The following ELP4 variants were observed in gnomAD, a reference collection of about 807,000 sequenced individuals.
ELP4 encodes elongator complex protein 4.
ELP4 carries 51 observed loss-of-function variants against 48.9 expected under a neutral mutation model. That is an observed-to-expected ratio of 1.04 (90% CI 0.83 to 1.32). The LOEUF (loss-of-function observed/expected upper bound fraction) is 1.32, where lower values mean the gene tolerates loss of function less well. ELP4 is among the 40% of genes most tolerant of loss of function. The pLI is 0.00. For synonymous variants in ELP4, 210 were observed against 189.2 expected (o/e 1.11, Z -0.90); for missense variants, 519 against 514.6 (o/e 1.01, Z -0.08).
intron 7 of ELP4, among the ~76,000 whole-genome samples, chr11:31,638,227 C>T (rs1345190808): frequency 6.6e-6 from 1 of 151,734 alleles, no homozygotes; most frequent in African/African-American, 2.4e-5. Flanking sequence ...CATTCTGGAT[C>T]ATAGAATATG....
intron 9 of ELP4, chr11:31,706,946 G>A (rs1482217357): frequency 2.5e-6 from 1 of 397,950 alleles, no homozygotes; most frequent in Non-Finnish European, 4.4e-6. Context: ...TTATTCCATT[G>A]TGTATGTATA....
intron 3 of ELP4, among the ~76,000 whole-genome samples, chr11:31,552,763 A>G (rs1209946308): frequency 2.6e-5 from 4 of 152,054 alleles, no homozygotes; most frequent in Non-Finnish European, 5.9e-5. Context: ...ACTCATCTAA[A>G]CTCAAAACTC....
At chr11:31,758,061 G>T (rs1947867969) in intron 9 of ELP4, among the ~76,000 whole-genome samples, 1 of 151,944 alleles carries the variant, frequency 6.6e-6, no homozygotes, top group African/African-American at 2.4e-5. Flanking sequence ...AAACAATTCA[G>T]GACTATATTA....
chr11:31,581,618 T>C (rs777906561), intron 3 of ELP4, among the ~76,000 whole-genome samples: 7 of 152,188 alleles, frequency 4.6e-5, no homozygotes, highest in Admixed American at 2.0e-4. Flanking sequence ...CAGAATTATA[T>C]GCCTTGTTGT....
intron 9 of ELP4, among the ~76,000 whole-genome samples, chr11:31,660,113 T>C (rs1945523453): frequency 6.6e-6 from 1 of 152,208 alleles, no homozygotes; most frequent in South Asian, 2.1e-4. Flanking sequence ...TTCTAAATAA[T>C]TATATGAATG....
intron 5 of ELP4, among the ~76,000 whole-genome samples, chr11:31,621,432 G>C (rs1944619350): frequency 6.6e-6 from 1 of 151,806 alleles, no homozygotes; most frequent in Non-Finnish European, 1.5e-5. Flanking sequence ...GAAACCATAT[G>C]ATTTCAAAGT....
intron 9 of ELP4, among the ~76,000 whole-genome samples, chr11:31,693,387 C>T (rs186007351): frequency 7.2e-5 from 11 of 152,140 alleles, no homozygotes; most frequent in Non-Finnish European, 1.3e-4. Flanking sequence ...TCAATTCCCA[C>T]CTATGAGTAA....
chr11:31,580,993 T>C (rs949596571), intron 3 of ELP4, among the ~76,000 whole-genome samples: 5 of 152,234 alleles, frequency 3.3e-5, no homozygotes, highest in Admixed American at 2.6e-4. Context: ...ATTATACTAT[T>C]TGACAGTCTA....
At chr11:31,517,454 G>A (rs1041642974) in intron 1 of ELP4, among the ~76,000 whole-genome samples, 1 of 152,032 alleles carries the variant, frequency 6.6e-6, no homozygotes, top group African/African-American at 2.4e-5. Flanking sequence ...GTGAGCCACC[G>A]TGCCCAACCT....
intron 5 of ELP4, among the ~76,000 whole-genome samples, chr11:31,609,684 A>G (rs1215993077): frequency 6.6e-6 from 1 of 152,126 alleles, no homozygotes; most frequent in African/African-American, 2.4e-5. Context: ...TATTTCAAAA[A>G]TACAAGACTT....
intron 2 of ELP4, among the ~76,000 whole-genome samples, chr11:31,532,043 G>A (rs1043540581): frequency 3.9e-5 from 6 of 152,110 alleles, no homozygotes; most frequent in South Asian, 2.1e-4. Context: ...ACTTAACTAC[G>A]CACAAGGCAC....
intron 9 of ELP4, among the ~76,000 whole-genome samples, chr11:31,719,034 G>C (rs754979905): frequency 6.6e-6 from 1 of 152,120 alleles, no homozygotes; most frequent in Non-Finnish European, 1.5e-5. Context: ...CAAGGTGGGA[G>C]GATCACTTGA....
At chr11:31,650,574 C>G (rs542752045) in intron 9 of ELP4, 7 of 182,522 alleles carry the variant, frequency 3.8e-5, no homozygotes, top group Non-Finnish European at 1.1e-5. Flanking sequence ...TGAATGCTAC[C>G]CACTATTGTC....
intron 4 of ELP4, chr11:31,599,058 C>T (rs1319079577): frequency 2.0e-5 from 3 of 152,072 alleles, no homozygotes; most frequent in South Asian, 4.1e-4. Flanking sequence ...TTATTATTAT[C>T]ATCTATCTCC....
chr11:31,754,770 G>A (rs1947797898), intron 9 of ELP4, among the ~76,000 whole-genome samples: 1 of 152,138 alleles, frequency 6.6e-6, no homozygotes, highest in African/African-American at 2.4e-5. Context: ...TACTCAGGAG[G>A]GTGAGGCAGG....
At chr11:31,535,587 C>T (rs1183232962) in intron 2 of ELP4, among the ~76,000 whole-genome samples, 1 of 152,152 alleles carries the variant, frequency 6.6e-6, no homozygotes, top group African/African-American at 2.4e-5. Context: ...TCAAAGTGAC[C>T]CTGCCATCTT....
chr11:31,740,609 A>G (rs1947422857), intron 9 of ELP4, among the ~76,000 whole-genome samples: 1 of 152,244 alleles, frequency 6.6e-6, no homozygotes, highest in Non-Finnish European at 1.5e-5. Context: ...TGTTAGTCAT[A>G]GTTGAGTTGA....
At chr11:31,598,813 G>A (rs11031425) in intron 4 of ELP4, 97,149 of 151,830 alleles carry the variant, frequency 0.64, 33,361 homozygotes, top group Non-Finnish European at 0.76. Context: ...ACCCGGCCCT[G>A]GTGCTCAGTT....
intron 9 of ELP4, among the ~76,000 whole-genome samples, chr11:31,682,966 T>A (rs1297704200): frequency 6.6e-6 from 1 of 152,188 alleles, no homozygotes; most frequent in Non-Finnish European, 1.5e-5. Flanking sequence ...ATTCTATGCC[T>A]TTATTTCACC....
Sources: allele counts gnomAD v4.1 joint callset (sites outside exome capture counted in the v4.1 genomes callset), GRCh38; gene constraint gnomAD v4.1.1; transcripts MANE v1.5; gene names NCBI Gene and HGNC (gene_info 2026-07-23, HGNC 2026-07-21).